The following TMCO5A variants were observed in gnomAD, a reference collection of about 807,000 sequenced individuals.
TMCO5A encodes the protein transmembrane and coiled-coil domains 5A, also known as transmembrane and coiled-coil domain-containing protein 5A.
TMCO5A carries 34 observed loss-of-function variants against 42.3 expected under a neutral mutation model. The ratio of observed to expected loss-of-function variants is 0.80; its 90% confidence interval spans 0.61 to 1.07. The LOEUF (loss-of-function observed/expected upper bound fraction) is 1.07, where lower values mean the gene tolerates loss of function less well. Ranked by LOEUF, TMCO5A falls within the 50% of genes least tolerant of loss-of-function variation. The pLI is 0.00. For synonymous variants in TMCO5A, 131 were observed against 115.6 expected (o/e 1.13, Z -0.86); for missense variants, 357 against 327.9 (o/e 1.09, Z -0.69).
chr15:37,971,374 G>A (rs1446957038), downstream of TMCO5A, among the ~76,000 whole-genome samples: 1 of 152,170 alleles, frequency 6.6e-6, no homozygotes, highest in Non-Finnish European at 1.5e-5. Flanking sequence ...ACATAGCAAA[G>A]AGACCCTGGG....
downstream of TMCO5A, among the ~76,000 whole-genome samples, chr15:37,953,738 T>C (rs1304328781): frequency 6.6e-6 from 1 of 152,070 alleles, no homozygotes; most frequent in Non-Finnish European, 1.5e-5. Context: ...GGACCAATCC[T>C]GGAGAAACAG....
At chr15:38,002,271 AC>A in the TMCO5A span, among the ~76,000 whole-genome samples, 1 of 148,378 alleles carries the variant, frequency 6.7e-6, no homozygotes, top group African/African-American at 2.5e-5. Context: ...TTTATCATTG[AC>A]CTTTGGGAGC....
chr15:38,001,508 A>G, the TMCO5A span, among the ~76,000 whole-genome samples: 34 of 151,024 alleles, frequency 2.3e-4, no homozygotes, highest in African/African-American at 7.8e-4. Flanking sequence ...TTTACATTCA[A>G]TGTTATTATT....
intron 6 of TMCO5A, among the ~76,000 whole-genome samples, chr15:37,939,746 CTCTGGCATGCTAGTAA>C (rs1230752543): frequency 6.6e-6 from 1 of 152,048 alleles, no homozygotes; most frequent in Non-Finnish European, 1.5e-5. Context: ...GCTTCTGTTC[CTCTGGCATGCTAGTAA>C]TCAGTGCAGC....
downstream of TMCO5A, among the ~76,000 whole-genome samples, chr15:37,951,794 T>A (rs1890166268): frequency 6.6e-6 from 1 of 152,012 alleles, no homozygotes; most frequent in South Asian, 2.1e-4. Flanking sequence ...TTTTTAAGAA[T>A]CAAAAATCAG....
At chr15:37,993,389 T>C in the TMCO5A span, 1 of 152,122 alleles carries the variant, frequency 6.6e-6, no homozygotes, top group African/African-American at 2.4e-5. Flanking sequence ...TTTTTTATTT[T>C]TGATTGTTAT....
At chr15:38,026,808 C>A in the TMCO5A span, among the ~76,000 whole-genome samples, 15 of 152,358 alleles carry the variant, frequency 9.8e-5, no homozygotes, top group South Asian at 2.1e-3. Flanking sequence ...CTGCTCCAGC[C>A]ATGGCTGAAA....
chr15:38,008,233 CAG>C, the TMCO5A span, among the ~76,000 whole-genome samples: 3 of 151,994 alleles, frequency 2.0e-5, no homozygotes, highest in Non-Finnish European at 4.4e-5. Context: ...TGCAAGAGTG[CAG>C]ACTCTCCCAG....
chr15:37,958,720 A>G (rs1451598512), intron 11 of TMCO5A, among the ~76,000 whole-genome samples: 1 of 152,162 alleles, frequency 6.6e-6, no homozygotes, highest in Non-Finnish European at 1.5e-5. Flanking sequence ...GCATTTCCTC[A>G]AGGATCTAGA....
At chr15:37,993,304 A>G in the TMCO5A span, 1 of 151,600 alleles carries the variant, frequency 6.6e-6, no homozygotes, top group East Asian at 1.9e-4. Flanking sequence ...TGAAAATTGA[A>G]CATCTGGATT....
the TMCO5A span, among the ~76,000 whole-genome samples, chr15:38,029,543 C>G: frequency 6.6e-6 from 1 of 150,654 alleles, no homozygotes; most frequent in Non-Finnish European, 1.5e-5. Context: ...TCACTGCAAC[C>G]TCAACCTCTG....
At chr15:37,976,318 TC>T in the TMCO5A span, among the ~76,000 whole-genome samples, 1 of 152,178 alleles carries the variant, frequency 6.6e-6, no homozygotes. Flanking sequence ...ATCTGCTCCT[TC>T]TTTCTAGATG....
At chr15:37,965,936 T>C (rs1428292096) in intron 11 of TMCO5A, among the ~76,000 whole-genome samples, 1 of 152,000 alleles carries the variant, frequency 6.6e-6, no homozygotes, top group East Asian at 1.9e-4. Context: ...ATCAGTACAT[T>C]GAAGAGCTAT....
At chr15:37,980,582 T>C in the TMCO5A span, among the ~76,000 whole-genome samples, 5 of 145,628 alleles carry the variant, frequency 3.4e-5, no homozygotes, top group African/African-American at 5.1e-5. Context: ...TTCGCCACTC[T>C]TTCTCCTCTC....
chr15:37,957,785 C>A (rs1009685680), intron 11 of TMCO5A, among the ~76,000 whole-genome samples: 1 of 152,276 alleles, frequency 6.6e-6, no homozygotes, highest in South Asian at 2.1e-4. Context: ...ATAGCCAAGA[C>A]AATCCTAAGC....
At chr15:38,003,586 C>T in the TMCO5A span, among the ~76,000 whole-genome samples, 1 of 152,168 alleles carries the variant, frequency 6.6e-6, no homozygotes, top group African/African-American at 2.4e-5. Context: ...TATTCTACTA[C>T]TGCTGGGCTG....
intron 10 of TMCO5A, 152 bp downstream of exon 10, chr15:37,943,550 T>C (rs1362667028): frequency 7.9e-6 from 5 of 635,448 alleles, no homozygotes; most frequent in African/African-American, 3.7e-5. Flanking sequence ...ATTCCAACCC[T>C]AAACAAACAA....
intron 11 of TMCO5A, among the ~76,000 whole-genome samples, chr15:37,958,979 T>G (rs1460747702): frequency 6.6e-6 from 1 of 152,062 alleles, no homozygotes; most frequent in African/African-American, 2.4e-5. Context: ...GGGCCATGGA[T>G]GAAGCTGGAA....
chr15:37,941,792 A>T lies in TMCO5A; in HGVS notation c.504+62A>T, dbSNP rs762548696. 15 of 1,421,120 alleles carry T rather than the reference A, an allele frequency of 1.1e-5. 1 individual carries two copies. Among genetic ancestry groups the T allele is most frequent in the Non-Finnish European group, 1.4e-5 (14 of 1,007,778 alleles). The allele number at this position is 1,421,120 out of a possible 1,614,324, so 88.0% of individuals were successfully genotyped here. A position where few individuals can be genotyped will look rare whatever the true frequency, so the allele number is the denominator to read the frequency against. ...TTAAGGTACAGGATGAAATAGAACA[A>T]GGATTTTCAAAGACTACTGTCCAGA... On this transcript the variant is annotated intron_variant, in intron 8 of 11. Transcript: ENST00000319669.
Sources: gnomAD v4.1 joint callset for allele counts (sites outside exome capture counted in the v4.1 genomes callset) on GRCh38, gnomAD v4.1.1 for gene constraint, MANE v1.5 for transcripts, NCBI Gene and HGNC (gene_info 2026-07-23, HGNC 2026-07-21) for gene names.